Variants in OPHN1 observed in about 807,000 individuals in gnomAD.
OPHN1 encodes oligophrenin 1, also known as oligophrenin-1.
OPHN1 carries 11 observed loss-of-function variants against 60.7 expected under a neutral mutation model. The observed-to-expected ratio is 0.18, with a 90% CI of 0.11 to 0.30. The LOEUF is 0.30. OPHN1 is among the 10% of genes least tolerant of loss of function. OPHN1 has a pLI of 1.00. For synonymous variants in OPHN1, 226 were observed against 222.6 expected (o/e 1.02, Z -0.14); for missense variants, 449 against 611.0 (o/e 0.73, Z 2.80).
chrX:68,070,615 C>A, intron 20 of OPHN1: 1 of 699,514 alleles, frequency 1.4e-6, no homozygotes, highest in Non-Finnish European at 2.3e-6. Context: ...CTGATTTTAT[C>A]CTCTGTGTTC....
intron 6 of OPHN1, among the ~76,000 whole-genome samples, chrX:68,229,018 A>C (rs755224393): frequency 9.0e-6 from 1 of 111,394 alleles, no homozygotes; most frequent in East Asian, 2.8e-4. Context: ...AAACCCCATC[A>C]TCTCAGCCCC....
chrX:68,130,396 T>C (rs900156256), intron 15 of OPHN1, among the ~76,000 whole-genome samples: 18 of 111,713 alleles, frequency 1.6e-4, no homozygotes, highest in African/African-American at 5.5e-4. Context: ...TTTATAACCT[T>C]GAGGCAAAAA....
chrX:68,316,305 C>T (rs1468211033), intron 2 of OPHN1, among the ~76,000 whole-genome samples: 1 of 111,861 alleles, frequency 8.9e-6, no homozygotes. Flanking sequence ...GCAACACCAT[C>T]GGTCTACAGG....
chrX:68,338,104 C>G (rs771477952), intron 2 of OPHN1, among the ~76,000 whole-genome samples: 2 of 111,811 alleles, frequency 1.8e-5, no homozygotes, highest in South Asian at 7.4e-4. Context: ...TATCCGCCCA[C>G]CTCGGCTCTT....
intron 15 of OPHN1, among the ~76,000 whole-genome samples, chrX:68,125,872 C>T (rs190714995): frequency 1.1e-5 from 1 of 91,857 alleles, no homozygotes; most frequent in Admixed American, 1.3e-4. Context: ...CAGACCAAAA[C>T]ACATCAAAAA....
intron 15 of OPHN1, among the ~76,000 whole-genome samples, chrX:68,167,184 G>GA (rs1185386027): frequency 9.0e-6 from 1 of 111,274 alleles, no homozygotes; most frequent in Admixed American, 9.6e-5. Context: ...CTACTGTGTA[G>GA]AAAAAAAGTC....
At chrX:68,401,677 G>A (rs901491210) in intron 2 of OPHN1, among the ~76,000 whole-genome samples, 5 of 111,677 alleles carry the variant, frequency 4.5e-5, no homozygotes, top group Non-Finnish European at 9.4e-5. Context: ...AATCATATTC[G>A]GTTGGGGAGA....
intron 15 of OPHN1, among the ~76,000 whole-genome samples, chrX:68,150,195 G>C (rs866864856): frequency 9.0e-6 from 1 of 111,649 alleles, no homozygotes; most frequent in Non-Finnish European, 1.9e-5. Context: ...AAGAGAAATG[G>C]AGTTTCCTTT....
At chrX:68,335,648 G>T (rs1250896024) in intron 2 of OPHN1, among the ~76,000 whole-genome samples, 3 of 112,106 alleles carry the variant, frequency 2.7e-5, no homozygotes, top group Non-Finnish European at 5.6e-5. Context: ...ATCAGAATTT[G>T]CTGGGCACGG....
At chrX:68,203,962 A>G (rs2077547252) in intron 10 of OPHN1, among the ~76,000 whole-genome samples, 1 of 113,007 alleles carries the variant, frequency 8.8e-6, no homozygotes, top group Non-Finnish European at 1.9e-5. Context: ...CCACTTGACT[A>G]GGAAGTCTTC....
At chrX:68,194,897 G>A (rs1212697599) in intron 12 of OPHN1, among the ~76,000 whole-genome samples, 1 of 108,137 alleles carries the variant, frequency 9.2e-6, no homozygotes, top group Non-Finnish European at 1.9e-5. Context: ...GAACCCAGGA[G>A]GTGGAGGCTG....
At chrX:68,185,733 ATGT>A (rs1335670772) in intron 15 of OPHN1, among the ~76,000 whole-genome samples, 4 of 110,738 alleles carry the variant, frequency 3.6e-5, no homozygotes, top group Non-Finnish European at 7.5e-5. Context: ...CAGTGAATAA[ATGT>A]TGTGTGAATC....
chrX:68,348,913 C>T (rs1236422788), intron 2 of OPHN1, among the ~76,000 whole-genome samples: 1 of 111,085 alleles, frequency 9.0e-6, no homozygotes, highest in Non-Finnish European at 1.9e-5. Context: ...TTCTGAGAAC[C>T]CAATGCATTT....
intron 2 of OPHN1, among the ~76,000 whole-genome samples, chrX:68,406,952 C>A (rs2078746463): frequency 1.8e-5 from 2 of 112,270 alleles, no homozygotes; most frequent in Admixed American, 9.4e-5. Flanking sequence ...GCCTGTAATC[C>A]CAGCACTTTG....
At chrX:68,404,122 T>A (rs1218724666) in intron 2 of OPHN1, among the ~76,000 whole-genome samples, 1 of 109,905 alleles carries the variant, frequency 9.1e-6, no homozygotes, top group African/African-American at 3.3e-5. Flanking sequence ...GATGCCAAAA[T>A]GGTGCAGCCA....
intron 2 of OPHN1, among the ~76,000 whole-genome samples, chrX:68,426,784 T>A (rs1355145890): frequency 1.0e-5 from 1 of 95,399 alleles, no homozygotes; most frequent in Non-Finnish European, 2.1e-5. Flanking sequence ...GTCCGGAAGA[T>A]CCTTTGAGCC....
chrX:68,351,698 T>C (rs1244995049), intron 2 of OPHN1, among the ~76,000 whole-genome samples: 2 of 110,205 alleles, frequency 1.8e-5, no homozygotes, highest in Non-Finnish European at 3.8e-5. Flanking sequence ...TTTTTTGTTG[T>C]TGTTGTTGTT....
chrX:68,138,377 G>A (rs1036998685), intron 15 of OPHN1, among the ~76,000 whole-genome samples: 6 of 112,067 alleles, frequency 5.4e-5, no homozygotes, highest in African/African-American at 1.3e-4. Flanking sequence ...ATGAGTTTGC[G>A]AATAAGAAAT....
At chrX:68,099,449 G>A (rs2081659185) in intron 18 of OPHN1, among the ~76,000 whole-genome samples, 1 of 111,079 alleles carries the variant, frequency 9.0e-6, no homozygotes, top group African/African-American at 3.3e-5. Context: ...GAGAGAAATG[G>A]GCCTGGTGAG....
Sources: gnomAD v4.1 joint callset for allele counts (sites outside exome capture counted in the v4.1 genomes callset) on GRCh38, gnomAD v4.1.1 for gene constraint, MANE v1.5 for transcripts, NCBI Gene and HGNC (gene_info 2026-07-23, HGNC 2026-07-21) for gene names.